CUX1: variants seen among roughly 807,000 people sequenced by gnomAD.
The protein encoded by CUX1 is cut like homeobox 1.
CUX1 carries 31 observed loss-of-function variants against 158.8 expected under a neutral mutation model. The ratio of observed to expected loss-of-function variants is 0.20; its 90% CI spans 0.15 to 0.26. The LOEUF (loss-of-function observed/expected upper bound fraction) is 0.26. CUX1 is among the 10% of genes least tolerant of loss of function. CUX1 has a pLI of 1.00. For synonymous variants in CUX1, 879 were observed against 862.1 expected (o/e 1.02, Z -0.34); for missense variants, 1,589 against 2,014.6 (o/e 0.79, Z 4.04).
intron 4 of CUX1, among the ~76,000 whole-genome samples, chr7:102,073,766 C>T (rs1464128255): frequency 6.6e-6 from 1 of 151,828 alleles, no homozygotes; most frequent in East Asian, 1.9e-4. Flanking sequence ...TATTATGATT[C>T]TTATTATTAC....
intron 23 of CUX1, among the ~76,000 whole-genome samples, chr7:102,240,085 T>C (rs1367305025): frequency 1.3e-5 from 2 of 151,970 alleles, no homozygotes; most frequent in African/African-American, 4.8e-5. Context: ...ACTGCAGAGA[T>C]GTAAGGCCAC....
Position 102,178,675 on chromosome 7 carries a change from C to T in CUX1, c.1017+18C>T, listed in dbSNP as rs374154503. 7.5e-6 allele frequency: 12 copies of T among 1,593,334 alleles called. No homozygotes were observed. Among genetic ancestry groups the T allele is most frequent in the South Asian group, 6.7e-5 (6 of 88,944 alleles). ...CACTCAAAGTAAGGGGGCTGCGGGG[C>T]CCGGGGGTGGCCCGAGGAGGCAGGG... is the stretch of plus-strand genomic sequence containing the variant. On this transcript the variant is annotated intron_variant, in intron 11 of 23. Transcript: ENST00000292535.
In CUX1 at chr7:102,251,305, G is replaced by A; in HGVS notation, c.*2263G>A. The A allele has an allele frequency of 1.0e-6, 1 of 985,316 alleles. No homozygotes were observed. The highest frequency in any genetic ancestry group is 1.2e-6 in the Non-Finnish European group (1 of 829,910). The allele number at this position is 985,316 out of a possible 1,614,324, so 61.0% of individuals were successfully genotyped here. A position where few individuals can be genotyped will look rare whatever the true frequency, so the allele number is the denominator to read the frequency against. Reference sequence around the variant, plus strand: ...TGCTCTGGCTGTTCCACCTCCGTGTGCTTGTTAATTAACTTGTAGGACTTT... The same window carrying A: ...TGCTCTGGCTGTTCCACCTCCGTGTACTTGTTAATTAACTTGTAGGACTTT... On this transcript the variant is annotated 3_prime_UTR_variant, in exon 24 of 24. Coordinates refer to ENST00000292535, the MANE Select transcript of CUX1 (RefSeq NM_181552.4).
At chr7:102,246,564 GA>G (rs1403807198) in intron 23 of CUX1, among the ~76,000 whole-genome samples, 3 of 88,440 alleles carry the variant, frequency 3.4e-5, no homozygotes, top group Non-Finnish European at 7.5e-5. Context: ...TAGGAGCCCA[GA>G]AAACCTTTGT....
chr7:102,078,906 C>G (rs1247222378), intron 4 of CUX1, among the ~76,000 whole-genome samples: 1 of 152,178 alleles, frequency 6.6e-6, no homozygotes, highest in Admixed American at 6.5e-5. Flanking sequence ...CTCCTGGTGA[C>G]TATCCTTGTC....
chr7:102,140,098 C>T (rs1442223101), intron 8 of CUX1, among the ~76,000 whole-genome samples: 2 of 152,210 alleles, frequency 1.3e-5, no homozygotes, highest in Non-Finnish European at 2.9e-5. Context: ...ATCAATAAAG[C>T]TCTTAAGTGA....
In CUX1 at chr7:102,283,024, C is replaced by T. The variant is rs141196267; in HGVS notation, c.1971C>T (p.Phe657=). 1.6e-5 allele frequency: 25 copies of T among 1,612,490 alleles called. 1 individual carries two copies. In the Middle Eastern group the frequency reaches 6.6e-4, roughly 43 times the overall value. Reference sequence around the variant, plus strand: ...CAAAGCTTCCCGTGTCCCCCAGGTTCGCTGACCACCTGCACAAGTTCCACG... The same window carrying T: ...CAAAGCTTCCCGTGTCCCCCAGGTTTGCTGACCACCTGCACAAGTTCCACG... The change falls in exon 23 of 23, where the codon TTC becomes TTT. Residue 657 remains phenylalanine (F), a synonymous_variant. Coordinates refer to the CUX1 transcript ENST00000292538.
intron 2 of CUX1, among the ~76,000 whole-genome samples, chr7:102,014,441 C>T (rs1043646303): frequency 6.6e-6 from 1 of 152,088 alleles, no homozygotes; most frequent in African/African-American, 2.4e-5. Context: ...TCTGCAGAGC[C>T]CTCTGGGGTC....
intron 21 of CUX1, among the ~76,000 whole-genome samples, chr7:102,232,154 TTTTTTC>T (rs1248771486): frequency 1.4e-4 from 21 of 152,146 alleles, no homozygotes; most frequent in East Asian, 1.9e-4. Context: ...TTTTGTTTTG[TTTTTTC>T]TTTTTCTTTT....
chr7:101,872,108 A>G (rs1798627753), intron 1 of CUX1, among the ~76,000 whole-genome samples: 1 of 151,784 alleles, frequency 6.6e-6, no homozygotes. Context: ...TTAAAGATCT[A>G]GCAGACATAG....
chr7:101,984,939 C>G (rs1157076349), intron 2 of CUX1, among the ~76,000 whole-genome samples: 1 of 152,048 alleles, frequency 6.6e-6, no homozygotes, highest in Non-Finnish European at 1.5e-5. Context: ...AATTATAGAG[C>G]TATTTGGTGT....
chr7:102,034,681 A>C (rs1821204401), intron 3 of CUX1, among the ~76,000 whole-genome samples: 1 of 149,586 alleles, frequency 6.7e-6, no homozygotes, highest in African/African-American at 2.5e-5. Flanking sequence ...TGAACCAGTG[A>C]GTCAGAGGTT....
chr7:102,157,377 T>G (rs1789890414), intron 8 of CUX1, among the ~76,000 whole-genome samples: 2 of 152,058 alleles, frequency 1.3e-5, no homozygotes, highest in South Asian at 4.1e-4. Context: ...TGTGGCCTTC[T>G]AACAGAGACC....
At chr7:102,270,736 G>A (rs1791156680) in intron 14 of CUX1, among the ~76,000 whole-genome samples, 1 of 152,224 alleles carries the variant, frequency 6.6e-6, no homozygotes, top group Admixed American at 6.5e-5. Flanking sequence ...AGCGCCAATG[G>A]CCAGGCCTCC....
chr7:101,978,126 G>A (rs1812948456), intron 2 of CUX1, among the ~76,000 whole-genome samples: 1 of 152,082 alleles, frequency 6.6e-6, no homozygotes, highest in Non-Finnish European at 1.5e-5. Flanking sequence ...CCTGTCCTCA[G>A]GGGATCCCAT....
At chr7:101,955,366 C>T (rs1809632290) in intron 2 of CUX1, among the ~76,000 whole-genome samples, 1 of 152,174 alleles carries the variant, frequency 6.6e-6, no homozygotes, top group African/African-American at 2.4e-5. Context: ...GAGTTCTACC[C>T]ATTTATTCTC....
chr7:102,282,066 G>A (rs1792116622), intron 21 of CUX1: 2 of 677,398 alleles, frequency 3.0e-6, no homozygotes, highest in Admixed American at 4.2e-5. Context: ...TCCCCTTCGA[G>A]AGCCTTGGCC....
At chr7:101,845,674 A>G (rs1056894399) in intron 1 of CUX1, among the ~76,000 whole-genome samples, 2 of 152,156 alleles carry the variant, frequency 1.3e-5, no homozygotes, top group East Asian at 3.9e-4. Flanking sequence ...TTGCTAGGCA[A>G]AGTGATTCAT....
At chr7:101,872,550 TTA>T (rs1491136001) in intron 1 of CUX1, among the ~76,000 whole-genome samples, 1 of 150,444 alleles carries the variant, frequency 6.6e-6, no homozygotes, top group Non-Finnish European at 1.5e-5. Flanking sequence ...TTTTTTTTTT[TTA>T]AATAGATATG....
Sources: allele counts gnomAD v4.1 joint callset (sites outside exome capture counted in the v4.1 genomes callset), GRCh38; gene constraint gnomAD v4.1.1; transcripts MANE v1.5; gene names NCBI Gene and HGNC (gene_info 2026-07-23, HGNC 2026-07-21).